Variants in SPDL1 observed in about 807,000 individuals in gnomAD.
SPDL1 encodes spindle apparatus coiled-coil protein 1.
A neutral mutation model predicts 79.5 loss-of-function variants in SPDL1; 85 were observed. The observed-to-expected ratio is 1.07, with a 90% CI of 0.90 to 1.28. SPDL1 has a LOEUF of 1.28. Among genes scored for constraint, SPDL1 ranks in the 50% most tolerant of loss-of-function variants. The pLI is 0.00. For missense variants in SPDL1, 703 were observed against 697.8 expected (o/e 1.01, Z -0.08); for synonymous variants, 269 against 240.3 (o/e 1.12, Z -1.10).
chr5:169,603,408 TA>T (rs1756034914), intron 11 of SPDL1, among the ~76,000 whole-genome samples: 1 of 152,222 alleles, frequency 6.6e-6, no homozygotes, highest in Non-Finnish European at 1.5e-5. Flanking sequence ...GATTCCATGT[TA>T]TTTTTGTCTT....
chr5:169,603,643 CAA>C (rs1364055967), intron 11 of SPDL1, among the ~76,000 whole-genome samples: 1 of 152,116 alleles, frequency 6.6e-6, no homozygotes, highest in Non-Finnish European at 1.5e-5. Context: ...ATCACGAGGT[CAA>C]GAGATCAAGA....
At chr5:169,600,480 A>G (rs942450298) in intron 10 of SPDL1, among the ~76,000 whole-genome samples, 5 of 152,228 alleles carry the variant, frequency 3.3e-5, no homozygotes, top group African/African-American at 1.2e-4. Context: ...TCTAAAAGCA[A>G]CAATGTAGAG....
intron 1 of SPDL1, 57 bp from the exon 2 acceptor site, chr5:169,588,337 A>G: frequency 8.3e-7 from 1 of 1,202,232 alleles, no homozygotes; most frequent in South Asian, 1.6e-5. Context: ...TGTTATTGAT[A>G]TTATTGCATG....
chr5:169,600,460 G>A (rs912301202), intron 10 of SPDL1, among the ~76,000 whole-genome samples: 1 of 152,144 alleles, frequency 6.6e-6, no homozygotes, highest in Non-Finnish European at 1.5e-5. Context: ...AGAAAAAGGG[G>A]AAATCATGGT....
At position 169,593,448 on chromosome 5, in the gene SPDL1, A is replaced by C. The variant is rs754333530; in HGVS notation, c.431A>C (p.Lys144Thr). 4 of 1,614,092 alleles carry C rather than the reference A, an allele frequency of 2.5e-6. No homozygotes were observed. In the South Asian group the frequency reaches 3.3e-5, roughly 13 times the overall value. ...VDHQKELLSC[K>T]SEELRVMSER... ...CATCAGAAGGAACTCCTCTCTTGTAAATCAGAGGAACTGCGCGTAATGTCT... is the reference window on the plus strand; with the variant it reads ...CATCAGAAGGAACTCCTCTCTTGTACATCAGAGGAACTGCGCGTAATGTCT... The change falls in exon 4 of 12, where the codon AAA becomes ACA. Residue 144 changes from lysine (K) to threonine (T), a missense_variant. Lys to Thr is a moderately conservative substitution (Grantham distance 78). Coordinates refer to ENST00000265295, the MANE Select transcript of SPDL1 (RefSeq NM_017785.5).
intron 2 of SPDL1, among the ~76,000 whole-genome samples, chr5:169,589,699 T>TC (rs1403040631): frequency 6.6e-6 from 1 of 152,010 alleles, no homozygotes; most frequent in African/African-American, 2.4e-5. Flanking sequence ...ACTTTTTTTT[T>TC]CTTTTTTCTT....
Position 169,591,316 on chromosome 5 carries a change from C to G in SPDL1, c.336+92C>G, listed in dbSNP as rs976827608. On this transcript the variant is annotated intron_variant, in intron 3 of 11. Coordinates refer to ENST00000265295, the MANE Select transcript of SPDL1 (RefSeq NM_017785.5). Reference sequence around the variant, plus strand: ...TGATAAAGATTTTCTTAAGTGTCAGCTTTGCAAAATAGCCAAGATCTAAGT... The same window carrying G: ...TGATAAAGATTTTCTTAAGTGTCAGGTTTGCAAAATAGCCAAGATCTAAGT... 3.7e-6 allele frequency: 5 copies of G among 1,348,656 alleles called. No individual in the cohort carries two copies. The African/African-American group carries it at 7.4e-5, about 20-fold the overall frequency. The allele number at this position is 1,348,656 out of a possible 1,614,324, so 83.5% of individuals were successfully genotyped here. A position where few individuals can be genotyped will look rare whatever the true frequency, so the allele number is the denominator to read the frequency against.
chr5:169,598,394 A>T (rs1362111725), intron 8 of SPDL1, 82 bp from the exon 9 acceptor site: 3 of 851,688 alleles, frequency 3.5e-6, no homozygotes, highest in Admixed American at 4.1e-5. Flanking sequence ...AAATTCAGGA[A>T]GTGATGGTGC....
At chr5:169,585,224 C>G (rs1020165588) in intron 1 of SPDL1, among the ~76,000 whole-genome samples, 1 of 152,102 alleles carries the variant, frequency 6.6e-6, no homozygotes, top group African/African-American at 2.4e-5. Flanking sequence ...TAGGACAGCT[C>G]CCCCTTGTTA....
intron 2 of SPDL1, among the ~76,000 whole-genome samples, chr5:169,588,997 G>A (rs746333682): frequency 1.2e-4 from 18 of 152,080 alleles, no homozygotes; most frequent in Admixed American, 5.2e-4. Context: ...TTCCCTGTCC[G>A]TTAACCAAAT....
At chr5:169,599,419 GA>G (rs1465631530) in intron 10 of SPDL1, among the ~76,000 whole-genome samples, 1 of 152,172 alleles carries the variant, frequency 6.6e-6, no homozygotes, top group Non-Finnish European at 1.5e-5. Context: ...CTTGAGATTT[GA>G]GACTTTCCCA....
At chr5:169,599,947 A>G (rs1370121925) in intron 10 of SPDL1, among the ~76,000 whole-genome samples, 1 of 152,190 alleles carries the variant, frequency 6.6e-6, no homozygotes, top group African/African-American at 2.4e-5. Context: ...ACAATGAAAC[A>G]TATTAGGGAA....
chr5:169,599,555 G>C (rs903024751), intron 10 of SPDL1, among the ~76,000 whole-genome samples: 2 of 152,210 alleles, frequency 1.3e-5, no homozygotes, highest in Non-Finnish European at 2.9e-5. Context: ...CTTTAAAAAG[G>C]TGGGTCTTTA....
intron 7 of SPDL1, among the ~76,000 whole-genome samples, chr5:169,595,114 C>T (rs1305543063): frequency 1.3e-5 from 2 of 152,158 alleles, no homozygotes; most frequent in Admixed American, 1.3e-4. Context: ...TCAGGGTTCC[C>T]TTTCCTTGTA....
chr5:169,591,033 T>C lies in SPDL1; in HGVS notation c.160-15T>C. ...TATTTTTATGTAATTGAATTGTAAT[T>C]GAATCTGTTTTCAGAGTTATGAACA... On this transcript the variant is annotated splice_polypyrimidine_tract_variant and intron_variant, in intron 2 of 11. Coordinates refer to ENST00000265295, the MANE Select transcript of SPDL1 (RefSeq NM_017785.5). The C allele has an allele frequency of 6.3e-7, 1 of 1,597,274 alleles. No homozygotes were observed.
At chr5:169,590,598 A>G (rs1400371263) in intron 2 of SPDL1, among the ~76,000 whole-genome samples, 1 of 152,224 alleles carries the variant, frequency 6.6e-6, no homozygotes, top group African/African-American at 2.4e-5. Context: ...TCAGATGACT[A>G]CATTCTGAAA....
Position 169,598,352 on chromosome 5 carries a change from G to C in SPDL1, c.1033-124G>C, listed in dbSNP as rs1755699510. ...CTTCAGAAGGCAGATAAATTAAATG[G>C]GTAGTTCTTAGCGTAGTACGCCAAG... is the stretch of plus-strand genomic sequence containing the variant. On this transcript the variant is annotated intron_variant, in intron 8 of 11. Coordinates refer to ENST00000265295, the MANE Select transcript of SPDL1 (RefSeq NM_017785.5). 3 of 606,430 alleles carry C rather than the reference G, an allele frequency of 4.9e-6. No homozygotes were observed. In the East Asian group the frequency reaches 8.8e-5, roughly 18 times the overall value. The allele number at this position is 606,430 out of a possible 1,614,324, so 37.6% of individuals were successfully genotyped here. A position where few individuals can be genotyped will look rare whatever the true frequency, so the allele number is the denominator to read the frequency against.
intron 2 of SPDL1, 185 bp downstream of exon 2, chr5:169,588,760 G>A: frequency 2.2e-6 from 1 of 452,980 alleles, no homozygotes; most frequent in Non-Finnish European, 3.8e-6. Flanking sequence ...CCACCCTAGT[G>A]TATTCAGAGT....
intron 11 of SPDL1, chr5:169,602,052 G>C (rs1755959166): frequency 8.5e-6 from 2 of 234,542 alleles, no homozygotes; most frequent in Admixed American, 5.3e-5. Context: ...TATGTCTTTT[G>C]AATTGCTTAT....
Sources: allele counts gnomAD v4.1 joint callset (sites outside exome capture counted in the v4.1 genomes callset), GRCh38; gene constraint gnomAD v4.1.1; transcripts MANE v1.5; gene names NCBI Gene and HGNC (gene_info 2026-07-23, HGNC 2026-07-21).